DPH6: variants seen among roughly 807,000 people sequenced by gnomAD.
The protein encoded by DPH6 is diphthine--ammonia ligase.
In DPH6, 33 loss-of-function variants were observed where a neutral mutation model predicts 38.2. The ratio of observed to expected loss-of-function variants is 0.86; its 90% CI spans 0.65 to 1.15. The LOEUF is 1.15. DPH6 is among the 50% of genes most tolerant of loss of function. The pLI is 0.00. For synonymous variants in DPH6, 108 were observed against 103.0 expected, an observed-to-expected ratio of 1.05 and a Z score of -0.30; for missense variants, 325 against 320.0, an observed-to-expected ratio of 1.02 and a Z score of -0.12.
the DPH6 span, among the ~76,000 whole-genome samples, chr15:35,186,615 T>G: frequency 6.6e-6 from 1 of 152,232 alleles, no homozygotes; most frequent in South Asian, 2.1e-4. Context: ...AGATCACCAT[T>G]GTCTTTATTC....
chr15:35,353,617 C>A (rs1302111918), intron 3 of DPH6, among the ~76,000 whole-genome samples: 3 of 152,134 alleles, frequency 2.0e-5, no homozygotes, highest in Non-Finnish European at 1.5e-5. Context: ...TCTGAGGGAT[C>A]TGTTCTGTTC....
intron 5 of DPH6, among the ~76,000 whole-genome samples, chr15:35,443,340 A>G (rs1033524911): frequency 2.0e-5 from 3 of 152,204 alleles, no homozygotes; most frequent in Admixed American, 6.5e-5. Flanking sequence ...CTTACAAAGA[A>G]TAAGTAAATA....
intron 3 of DPH6, among the ~76,000 whole-genome samples, chr15:35,270,012 TCGATCTC>T (rs71671078): frequency 0.094 from 13,785 of 147,374 alleles, 1,292 homozygotes; most frequent in East Asian, 0.33. Flanking sequence ...CAGGATGGTC[TCGATCTC>T]CGATCTCCTG....
At chr15:35,466,932 T>A (rs532838410) in intron 3 of DPH6, among the ~76,000 whole-genome samples, 7 of 152,286 alleles carry the variant, frequency 4.6e-5, no homozygotes, top group African/African-American at 1.7e-4. Flanking sequence ...CTTACAGGAC[T>A]GGAAATTGTT....
At chr15:35,425,956 C>A (rs577624040) in intron 5 of DPH6, among the ~76,000 whole-genome samples, 1 of 151,224 alleles carries the variant, frequency 6.6e-6, no homozygotes, top group African/African-American at 2.4e-5. Flanking sequence ...ATAAGCAAAA[C>A]CAGCATTTCC....
intron 3 of DPH6, among the ~76,000 whole-genome samples, chr15:35,532,616 G>A (rs2055105235): frequency 6.6e-6 from 1 of 152,152 alleles, no homozygotes; most frequent in South Asian, 2.1e-4. Flanking sequence ...TGTGTAGGAA[G>A]ATAACAAACA....
intron 3 of DPH6, among the ~76,000 whole-genome samples, chr15:35,512,758 T>C (rs1180632566): frequency 2.0e-5 from 3 of 152,100 alleles, no homozygotes; most frequent in African/African-American, 7.2e-5. Flanking sequence ...AAAATATAAA[T>C]AATGAATTCA....
At chr15:35,193,465 C>T in the DPH6 span, among the ~76,000 whole-genome samples, 3 of 152,008 alleles carry the variant, frequency 2.0e-5, no homozygotes, top group Admixed American at 2.0e-4. Flanking sequence ...ATAAATTCAG[C>T]CTCACATTTT....
the DPH6 span, among the ~76,000 whole-genome samples, chr15:35,206,128 TG>T: frequency 6.6e-6 from 1 of 152,290 alleles, no homozygotes; most frequent in African/African-American, 2.4e-5. Context: ...CATGGCTATA[TG>T]CTTCTAGTAT....
chr15:35,524,692 T>C (rs1312957978), intron 3 of DPH6, among the ~76,000 whole-genome samples: 3 of 152,136 alleles, frequency 2.0e-5, no homozygotes, highest in Non-Finnish European at 2.9e-5. Flanking sequence ...TTAGAATATA[T>C]GTGTATAGAG....
At chr15:35,412,075 C>A (rs935337048) in intron 5 of DPH6, among the ~76,000 whole-genome samples, 1 of 151,680 alleles carries the variant, frequency 6.6e-6, no homozygotes, top group East Asian at 1.9e-4. Flanking sequence ...ATAAAAGCCA[C>A]AGACTGGGAG....
chr15:35,290,770 G>A (rs945769789), intron 3 of DPH6, among the ~76,000 whole-genome samples: 17 of 151,826 alleles, frequency 1.1e-4, no homozygotes, highest in Admixed American at 7.9e-4. Flanking sequence ...TTTGTTGCCA[G>A]AAGGTTAGGA....
intron 3 of DPH6, among the ~76,000 whole-genome samples, chr15:35,458,780 C>G (rs1378046553): frequency 6.6e-6 from 1 of 152,180 alleles, no homozygotes; most frequent in Non-Finnish European, 1.5e-5. Context: ...TAAACCAACT[C>G]AACTGAGGTA....
At chr15:35,419,263 A>T (rs2053474901) in intron 5 of DPH6, among the ~76,000 whole-genome samples, 1 of 152,126 alleles carries the variant, frequency 6.6e-6, no homozygotes, top group South Asian at 2.1e-4. Context: ...AAAATGACAG[A>T]ATTTTTATTT....
chr15:35,473,912 CAG>C (rs2054228040), intron 3 of DPH6, among the ~76,000 whole-genome samples: 1 of 117,866 alleles, frequency 8.5e-6, no homozygotes, highest in South Asian at 3.0e-4. Flanking sequence ...ACACTGTGCA[CAG>C]TGTGTGTGTG....
At chr15:35,236,595 C>T (rs545854737) in intron 3 of DPH6, among the ~76,000 whole-genome samples, 8 of 150,702 alleles carry the variant, frequency 5.3e-5, no homozygotes, top group Admixed American at 1.3e-4. Flanking sequence ...GCCCAGATCG[C>T]GCCACTGCAC....
At chr15:35,408,575 T>C (rs1039407690) in intron 6 of DPH6, among the ~76,000 whole-genome samples, 1 of 151,938 alleles carries the variant, frequency 6.6e-6, no homozygotes, top group African/African-American at 2.4e-5. Flanking sequence ...TGAGATTACC[T>C]AGAGAAAGTT....
Position 35,268,817 on chromosome 15 carries a change from G to A in DPH6, n.201-48235C>T, listed in dbSNP as rs577194860. Among the ~76,000 whole-genome samples, 38 of 151,976 alleles carry A rather than the reference G, an allele frequency of 2.5e-4. No homozygotes were observed. The East Asian group carries it at 3.9e-3, about 15-fold the overall frequency. On this transcript the variant is annotated intron_variant and non_coding_transcript_variant, in intron 3 of 3. Coordinates refer to the DPH6 transcript ENST00000560386. ...CTTTGTAGAATTAACTACTGTGAGGGCACATGAGGAGGAAAATCAGATAGG... is the reference window on the plus strand; with the variant it reads ...CTTTGTAGAATTAACTACTGTGAGGACACATGAGGAGGAAAATCAGATAGG...
the DPH6 span, among the ~76,000 whole-genome samples, chr15:35,202,999 G>A: frequency 7.9e-5 from 12 of 151,814 alleles, no homozygotes; most frequent in Non-Finnish European, 1.6e-4. Flanking sequence ...TTGCTTCAGG[G>A]AAAAAGAAGT....
Sources: allele counts gnomAD v4.1 joint callset (sites outside exome capture counted in the v4.1 genomes callset), GRCh38; gene constraint gnomAD v4.1.1; transcripts MANE v1.5; gene names NCBI Gene and HGNC (gene_info 2026-07-23, HGNC 2026-07-21).